The following HYDIN variants were observed in gnomAD, a reference collection of about 807,000 sequenced individuals.
HYDIN encodes HYDIN axonemal central pair apparatus protein.
Under a neutral mutation model 403.9 loss-of-function variants are expected in HYDIN, and 132 were observed. That is an observed-to-expected ratio of 0.33 (90% confidence interval 0.28 to 0.38). HYDIN has a LOEUF of 0.38. Among genes scored for constraint, HYDIN ranks in the 10% least tolerant of loss-of-function variants. The pLI, the probability that HYDIN is intolerant of heterozygous loss-of-function variation, is 1.00. For synonymous variants in HYDIN, 1,202 were observed against 1,891.7 expected, an observed-to-expected ratio of 0.64 and a Z score of 9.46; for missense variants, 2,827 against 5,009.5, an observed-to-expected ratio of 0.56 and a Z score of 13.15.
At chr16:70,881,898 T>C (rs2040830521) in intron 60 of HYDIN, among the ~76,000 whole-genome samples, 2 of 152,152 alleles carry the variant, frequency 1.3e-5, no homozygotes, top group South Asian at 2.1e-4. Context: ...TTGCCACACA[T>C]TGGATTGGAA....
intron 1 of HYDIN, among the ~76,000 whole-genome samples, chr16:71,226,223 A>C (rs1178437229): frequency 1.3e-5 from 2 of 152,250 alleles, no homozygotes; most frequent in Non-Finnish European, 2.9e-5. Context: ...TCATTTGAGA[A>C]ACAAAAATTA....
At chr16:70,990,492 T>C (rs2079315719) in intron 25 of HYDIN, among the ~76,000 whole-genome samples, 1 of 145,172 alleles carries the variant, frequency 6.9e-6, no homozygotes. Context: ...TTTATACAAA[T>C]GGTAGCACAC....
At chr16:70,922,007 G>A (rs1266744688) in intron 45 of HYDIN, among the ~76,000 whole-genome samples, 2 of 152,200 alleles carry the variant, frequency 1.3e-5, no homozygotes, top group Non-Finnish European at 2.9e-5. Context: ...ATGATATTAT[G>A]CAAAGTCCAT....
chr16:71,218,994 T>C (rs1012096298), intron 1 of HYDIN, among the ~76,000 whole-genome samples: 1 of 152,210 alleles, frequency 6.6e-6, no homozygotes, highest in Admixed American at 6.5e-5. Context: ...ACACTGTCAT[T>C]ATTTTAAAAG....
chr16:71,222,842 T>C (rs1242196472), intron 1 of HYDIN, among the ~76,000 whole-genome samples: 2 of 152,068 alleles, frequency 1.3e-5, no homozygotes, highest in Non-Finnish European at 2.9e-5. Context: ...AAATAATAGA[T>C]GACACAAACA....
chr16:71,214,547 C>T (rs1030703434), intron 1 of HYDIN, among the ~76,000 whole-genome samples: 2 of 152,120 alleles, frequency 1.3e-5, no homozygotes, highest in Non-Finnish European at 2.9e-5. Flanking sequence ...TTGGAAGCAC[C>T]CTCTCAGCTG....
At chr16:70,884,927 T>C (rs1218834316) in intron 58 of HYDIN, among the ~76,000 whole-genome samples, 1 of 152,232 alleles carries the variant, frequency 6.6e-6, no homozygotes, top group Non-Finnish European at 1.5e-5. Flanking sequence ...CCACATTTCC[T>C]CTGGAGCACA....
In HYDIN at chr16:70,837,843, G is replaced by C. The variant is rs1268842329; in HGVS notation, c.13089C>G (p.Ser4363=). Residue 4363 remains serine (S), a synonymous_variant, in exon 77 of 86, where the codon TCC becomes TCG. Transcript: ENST00000393567. ...YTNTTHLEVN[S]RVDVVKPGNT... Reference sequence around the variant, plus strand: ...TTCCTGGCTTTACCACATCAACACGGGAGTTCACCTCGAGGTGAGTGGTGT... The same window carrying C: ...TTCCTGGCTTTACCACATCAACACGCGAGTTCACCTCGAGGTGAGTGGTGT... 2 of 1,613,862 alleles carry C rather than the reference G, an allele frequency of 1.2e-6. No homozygotes were observed. The highest frequency in any genetic ancestry group is 2.7e-5 in the African/African-American group (2 of 74,932).
intron 54 of HYDIN, among the ~76,000 whole-genome samples, chr16:70,895,649 T>C (rs1378935437): frequency 6.7e-6 from 1 of 149,082 alleles, no homozygotes; most frequent in East Asian, 2.0e-4. Flanking sequence ...ATGTTTGTGT[T>C]GTTTTAAGCC....
At chr16:70,909,685 T>C (rs940373945) in intron 47 of HYDIN, among the ~76,000 whole-genome samples, 1 of 124,642 alleles carries the variant, frequency 8.0e-6, no homozygotes, top group Non-Finnish European at 1.6e-5. Flanking sequence ...GTCTCAGGCA[T>C]GTCTTTTTTT....
chr16:71,174,772 C>A (rs1285908120), intron 5 of HYDIN, among the ~76,000 whole-genome samples: 1 of 152,158 alleles, frequency 6.6e-6, no homozygotes, highest in Non-Finnish European at 1.5e-5. Flanking sequence ...AAAATGGCCT[C>A]CTTTTTGACT....
chr16:71,113,940 T>A (rs2083923524), intron 10 of HYDIN: 1 of 151,408 alleles, frequency 6.6e-6, no homozygotes, highest in South Asian at 2.1e-4. Flanking sequence ...TCATTTTATT[T>A]TGTTCTTCAA....
chr16:71,047,789 T>C lies in HYDIN; in HGVS notation c.2529+12715A>G, dbSNP rs1240418995. ...TTTGATACATGTATACAATGTGCAA[T>C]GATCAAATCAGGGTAATTAGCATAT... On this transcript the variant is annotated intron_variant, in intron 18 of 85. Transcript: ENST00000393567. Among the ~76,000 whole-genome samples, 3 of 151,218 alleles carry C rather than the reference T, an allele frequency of 2.0e-5. No homozygotes were observed. The East Asian group carries it at 5.8e-4, about 29-fold the overall frequency.
Position 71,069,351 on chromosome 16 carries a change from T to G in HYDIN, c.1890A>C (p.Glu630Asp). 6.2e-7 allele frequency: 1 copy of G among 1,614,152 alleles called. No individual in the cohort carries two copies. The highest frequency in any genetic ancestry group is 8.5e-7 in the Non-Finnish European group (1 of 1,180,032). The change falls in exon 14 of 86, where the codon GAA (glutamate) becomes GAC (aspartate). Residue 630 changes from glutamate to aspartate, a missense_variant. Physicochemically the swap from Glu to Asp is conservative, Grantham distance 45 (BLOSUM62 2). Coordinates refer to ENST00000393567, the MANE Select transcript of HYDIN (RefSeq NM_001270974.2). ...CTTTTGGTTTCATTGAGGATATTTC[T>G]TCCTTGGTCCAAGATGGTCTTTTGT... Reference protein sequence around the residue: ...VDYKRPSWTKEEISSMKPKEF... With the variant: ...VDYKRPSWTKDEISSMKPKEF...
chr16:70,825,289 T>G (rs2143483125), intron 83 of HYDIN, among the ~76,000 whole-genome samples: 1 of 152,116 alleles, frequency 6.6e-6, no homozygotes, highest in African/African-American at 2.4e-5. Flanking sequence ...CCCGGTTTTC[T>G]GAAACGTTGC....
chr16:70,982,056 A>G (rs919412758), intron 28 of HYDIN, among the ~76,000 whole-genome samples: 1 of 149,800 alleles, frequency 6.7e-6, no homozygotes, highest in Non-Finnish European at 1.5e-5. Flanking sequence ...TGAACCCGGG[A>G]GGCAGAGCTT....
chr16:70,925,027 C>T (rs1410654782), intron 45 of HYDIN, among the ~76,000 whole-genome samples: 1 of 152,094 alleles, frequency 6.6e-6, no homozygotes, highest in Admixed American at 6.6e-5. Flanking sequence ...CCCGCCCTCC[C>T]AGGGACTGAA....
intron 41 of HYDIN, among the ~76,000 whole-genome samples, chr16:70,945,692 G>C (rs2077835071): frequency 6.6e-6 from 1 of 152,320 alleles, no homozygotes; most frequent in Non-Finnish European, 1.5e-5. Flanking sequence ...GGAAGGTGGA[G>C]GAGTGTGGTG....
chr16:70,996,841 T>G (rs911373167), intron 23 of HYDIN, among the ~76,000 whole-genome samples: 8 of 151,942 alleles, frequency 5.3e-5, no homozygotes, highest in African/African-American at 1.9e-4. Context: ...AAGACAATTT[T>G]TCCATGGACT....
Sources: allele counts gnomAD v4.1 joint callset (sites outside exome capture counted in the v4.1 genomes callset), GRCh38; gene constraint gnomAD v4.1.1; transcripts MANE v1.5; gene names NCBI Gene and HGNC (gene_info 2026-07-23, HGNC 2026-07-21).